Variants in ABL2 observed in about 807,000 individuals in gnomAD.
ABL2 encodes tyrosine-protein kinase ABL2.
ABL2 carries 49 observed loss-of-function variants against 107.7 expected under a neutral mutation model. The ratio of observed to expected loss-of-function variants is 0.45; its 90% CI spans 0.36 to 0.58. The LOEUF (loss-of-function observed/expected upper bound fraction) is 0.58. Among genes scored for constraint, ABL2 ranks in the 20% least tolerant of loss-of-function variants. The pLI is 0.00. For synonymous variants in ABL2, 549 were observed against 548.6 expected (o/e 1.00, Z -0.01); for missense variants, 1,245 against 1,457.0 (o/e 0.85, Z 2.37).
chr1:179,135,903 C>T (rs1656895308), intron 1 of ABL2, among the ~76,000 whole-genome samples: 1 of 142,258 alleles, frequency 7.0e-6, no homozygotes, highest in Non-Finnish European at 1.5e-5. Context: ...GCCGCCCCTA[C>T]TGGGAAGTGA....
intron 1 of ABL2, among the ~76,000 whole-genome samples, chr1:179,218,220 G>A (rs1553234390): frequency 6.6e-6 from 1 of 152,070 alleles, no homozygotes; most frequent in Non-Finnish European, 1.5e-5. Context: ...TCTCTCAAGA[G>A]ACCTCTAATG....
chr1:179,201,294 T>C (rs960533659), intron 1 of ABL2, among the ~76,000 whole-genome samples: 1 of 152,234 alleles, frequency 6.6e-6, no homozygotes, highest in African/African-American at 2.4e-5. Context: ...TGCACCCCCA[T>C]TTCCTGTCAC....
At chr1:179,211,419 G>T (rs1035132776) in intron 1 of ABL2, among the ~76,000 whole-genome samples, 1 of 151,974 alleles carries the variant, frequency 6.6e-6, no homozygotes, top group African/African-American at 2.4e-5. Context: ...CTATTCAGGG[G>T]GCTGAGGTGG....
intron 1 of ABL2, among the ~76,000 whole-genome samples, chr1:179,189,527 T>C (rs1419139037): frequency 6.6e-6 from 1 of 152,218 alleles, no homozygotes; most frequent in Admixed American, 6.5e-5. Flanking sequence ...TTGTATCATA[T>C]TACATCTTAA....
intron 1 of ABL2, among the ~76,000 whole-genome samples, chr1:179,162,945 G>A (rs1272299214): frequency 2.0e-5 from 3 of 152,118 alleles, no homozygotes; most frequent in Non-Finnish European, 2.9e-5. Flanking sequence ...AAATATCAAA[G>A]AGAGTCCTAT....
chr1:179,214,813 A>C (rs1662472488), intron 1 of ABL2, among the ~76,000 whole-genome samples: 2 of 152,120 alleles, frequency 1.3e-5, no homozygotes, highest in Non-Finnish European at 2.9e-5. Flanking sequence ...AAAAAGGATG[A>C]GAAATCTACA....
chr1:179,121,545 T>G lies in ABL2; in HGVS notation c.960+50A>C, dbSNP rs771995683. The G allele has an allele frequency of 2.5e-6, 4 of 1,581,054 alleles. No homozygotes were observed. In the East Asian group the frequency reaches 9.0e-5, roughly 35 times the overall value. ...GGGCATGCTGATATTTCCAAGTGAT[T>G]GAGCACAAAAGAAAAAGATGCCTGA... On this transcript the variant is annotated intron_variant, in intron 5 of 11. Transcript: ENST00000502732.
At chr1:179,134,067 A>G (rs1254319734) in intron 1 of ABL2, among the ~76,000 whole-genome samples, 1 of 152,170 alleles carries the variant, frequency 6.6e-6, no homozygotes, top group African/African-American at 2.4e-5. Flanking sequence ...AATACATTCT[A>G]CGTATGTTTG....
At chr1:179,222,884 G>A (rs914249494) in intron 1 of ABL2, among the ~76,000 whole-genome samples, 1 of 151,952 alleles carries the variant, frequency 6.6e-6, no homozygotes, top group Non-Finnish European at 1.5e-5. Context: ...GCTGAGGTGG[G>A]CGGATCATTT....
Position 179,110,284 on chromosome 1 carries a change from G to A in ABL2, c.1823C>T (p.Pro608Leu). Residue 608 changes from proline to leucine, a missense_variant and splice_region_variant, in exon 11 of 12, where the codon CCA becomes CTA. By Grantham distance (98) the Pro-to-Leu change is moderately conservative (BLOSUM62 -3). Coordinates refer to ENST00000502732, the MANE Select transcript of ABL2 (RefSeq NM_007314.4). The stretch of plus-strand genomic sequence containing the variant: ...TCTACCTGCTAAGGGACCCATACCT[G>A]GTGCTAAACTGGAAGCAGAATTTTC... The part of the protein sequence containing the change: ...ATENSASSLA[P>L]GFIRGAQASS... 1 of 1,614,140 alleles carries A rather than the reference G, an allele frequency of 6.2e-7. No homozygotes were observed. The highest frequency in any genetic ancestry group is 8.5e-7 in the Non-Finnish European group (1 of 1,180,020).
intron 1 of ABL2, among the ~76,000 whole-genome samples, chr1:179,181,919 T>C (rs1660397439): frequency 6.6e-6 from 1 of 151,278 alleles, no homozygotes. Context: ...TAGCCGGGAC[T>C]ATAGTCACGT....
At chr1:179,113,753 C>T (rs927858426) in intron 9 of ABL2, among the ~76,000 whole-genome samples, 6 of 151,134 alleles carry the variant, frequency 4.0e-5, no homozygotes, top group African/African-American at 1.2e-4. Flanking sequence ...ACGGTGAAAC[C>T]CCGTCTCTAC....
At position 179,140,425 on chromosome 1, in the gene ABL2, ATTTAT is replaced by A. The variant is rs936483015; in HGVS notation, c.158-7056_158-7052del. Reference sequence around the variant, plus strand: ...ACATCCCCCACTGACTCCTTTCCTGATTTATTTTATCTCCATAGCTCTTATTACCA... The same window carrying A: ...ACATCCCCCACTGACTCCTTTCCTGATTTATCTCCATAGCTCTTATTACCA... On this transcript the variant is annotated intron_variant, in intron 1 of 11. Transcript: ENST00000502732. Among the ~76,000 whole-genome samples the A allele has an allele frequency of 8.2e-4, 125 of 152,226 alleles. No individual in the cohort carries two copies. The Middle Eastern group carries it at 0.01, about 12-fold the overall frequency.
intron 3 of ABL2, among the ~76,000 whole-genome samples, chr1:179,129,548 GGTGC>G (rs1217129725): frequency 6.6e-6 from 1 of 152,042 alleles, no homozygotes. Flanking sequence ...ACGGCGTGGT[GGTGC>G]GTGCCTGTAA....
At chr1:179,219,923 G>C (rs1408741745) in intron 1 of ABL2, among the ~76,000 whole-genome samples, 1 of 152,180 alleles carries the variant, frequency 6.6e-6, no homozygotes, top group Non-Finnish European at 1.5e-5. Context: ...GGTAAATAAT[G>C]ACAATAAAAC....
At chr1:179,227,464 C>T (rs1422389019) in intron 1 of ABL2, among the ~76,000 whole-genome samples, 3 of 152,230 alleles carry the variant, frequency 2.0e-5, no homozygotes, top group Admixed American at 2.0e-4. Context: ...CTCCATAGAT[C>T]CAAATCCTCA....
intron 7 of ABL2, among the ~76,000 whole-genome samples, chr1:179,118,141 A>G (rs1290582645): frequency 4.6e-5 from 7 of 151,670 alleles, no homozygotes; most frequent in Non-Finnish European, 7.4e-5. Flanking sequence ...CGATGGAGCC[A>G]GCCTGTCTCA....
rs371765591 is a variant in ABL2, at chr1:179,229,281, C to T, written c.117G>A (p.Gly39=). 9 of 1,568,240 alleles carry T rather than the reference C, an allele frequency of 5.7e-6. No homozygotes were observed. The highest frequency in any genetic ancestry group is 2.4e-5 in the East Asian group (1 of 41,964). ...TATTGAAGCCGGTCTCTGTGGTGCGCCCCGCCGGGTCCCGCCTGCGGCCGG... is the reference window on the plus strand; with the variant it reads ...TATTGAAGCCGGTCTCTGTGGTGCGTCCCGCCGGGTCCCGCCTGCGGCCGG... ...RPSGRRRDPA[G]RTTETGFNIF... The change falls in exon 1 of 12, where the codon GGG becomes GGA. Residue 39 remains glycine (G), a synonymous_variant. Coordinates refer to ENST00000502732, the MANE Select transcript of ABL2 (RefSeq NM_007314.4).
chr1:179,210,581 G>A (rs1419820491), intron 1 of ABL2, among the ~76,000 whole-genome samples: 9 of 151,470 alleles, frequency 5.9e-5, no homozygotes, highest in East Asian at 1.9e-4. Context: ...TTCGCCAGGC[G>A]TGGTGGCTCA....
Sources: gnomAD v4.1 joint callset for allele counts (sites outside exome capture counted in the v4.1 genomes callset) on GRCh38, gnomAD v4.1.1 for gene constraint, MANE v1.5 for transcripts, NCBI Gene and HGNC (gene_info 2026-07-23, HGNC 2026-07-21) for gene names.